TSPAN7: variants seen among roughly 807,000 people sequenced by gnomAD.
TSPAN7 encodes the protein tetraspanin 7.
A neutral mutation model predicts 17.6 loss-of-function variants in TSPAN7; 1 was observed. The observed-to-expected ratio is 0.06, with a 90% confidence interval of 0.02 to 0.27. The LOEUF is 0.27. Among genes scored for constraint, TSPAN7 ranks in the 10% least tolerant of loss-of-function variants. The pLI is 1.00. For missense variants in TSPAN7, 112 were observed against 201.7 expected (o/e 0.56, Z 2.69); for synonymous variants, 78 against 79.0 (o/e 0.99, Z 0.07).
At chrX:38,567,937 C>G (rs1055191346) in intron 1 of TSPAN7, among the ~76,000 whole-genome samples, 1 of 111,508 alleles carries the variant, frequency 9.0e-6, no homozygotes, top group Non-Finnish European at 1.9e-5. Context: ...CACAGCTGAG[C>G]CATGTAGTGT....
rs774726460 is a variant in TSPAN7 at position 38,660,070 on chromosome X, G to A, written c.82-6051G>A. Reference sequence around the variant, plus strand: ...TCGAACTCCTGGCCTCAAGTGATCCGCCCACCTCTGCCTCTGCCTTCCAAA... The same window carrying A: ...TCGAACTCCTGGCCTCAAGTGATCCACCCACCTCTGCCTCTGCCTTCCAAA... On this transcript the variant is annotated intron_variant, in intron 1 of 7. Transcript: ENST00000378482. 6.5e-4 allele frequency among the ~76,000 whole-genome samples: 71 copies of A among 109,411 alleles called. 1 individual carries two copies. Among genetic ancestry groups the A allele is most frequent in the Non-Finnish European group, 1.1e-3 (57 of 52,538 alleles).
chrX:38,687,973 A>G lies in TSPAN7; in HGVS notation c.*42A>G, dbSNP rs1464299089. On this transcript the variant is annotated 3_prime_UTR_variant, in exon 8 of 8. Transcript: ENST00000378482. ...AATGACGGAATAAGAGACCTGTTTTAAAAAGGAACTGCAGCAATCTTTGAA... is the reference window on the plus strand; with the variant it reads ...AATGACGGAATAAGAGACCTGTTTTGAAAAGGAACTGCAGCAATCTTTGAA... 4.5e-6 allele frequency: 1 copy of G among 221,827 alleles called. No individual in the cohort carries two copies. The highest frequency in any genetic ancestry group is 2.9e-5 in the African/African-American group (1 of 34,869). The allele number at this position is 221,827 out of a possible 1,213,427, so 18.3% of individuals were successfully genotyped here. A position where few individuals can be genotyped will look rare whatever the true frequency, so the allele number is the denominator to read the frequency against.
At chrX:38,659,114 C>G (rs2147445774) in intron 1 of TSPAN7, among the ~76,000 whole-genome samples, 1 of 111,036 alleles carries the variant, frequency 9.0e-6, no homozygotes, top group Non-Finnish European at 1.9e-5. Flanking sequence ...AAAATACTTG[C>G]CTAGAGAGAG....
At chrX:38,610,482 C>T (rs1480058312) in intron 1 of TSPAN7, among the ~76,000 whole-genome samples, 1 of 111,680 alleles carries the variant, frequency 9.0e-6, no homozygotes, top group African/African-American at 3.3e-5. Context: ...TATTTCTTAC[C>T]TTTGACTGCG....
chrX:38,593,984 T>A (rs998789762), intron 1 of TSPAN7, among the ~76,000 whole-genome samples: 1 of 112,188 alleles, frequency 8.9e-6, no homozygotes, highest in Non-Finnish European at 1.9e-5. Context: ...CTGATTCTAA[T>A]CTAATACCAC....
chrX:38,646,146 T>TAAAAA, intron 1 of TSPAN7: 2 of 571,319 alleles, frequency 3.5e-6, no homozygotes, highest in African/African-American at 4.8e-5. Context: ...GTACTTTCTA[T>TAAAAA]AAAAAAAAAA....
intron 1 of TSPAN7, among the ~76,000 whole-genome samples, chrX:38,607,989 C>G (rs1428986955): frequency 3.6e-5 from 4 of 110,838 alleles, no homozygotes; most frequent in Non-Finnish European, 7.6e-5. Context: ...TCCCTTGAAT[C>G]TTTCCTGATT....
rs760342956 is a variant in TSPAN7, at chrX:38,656,163, G to A, written c.82-9958G>A. On this transcript the variant is annotated intron_variant, in intron 1 of 7. Transcript: ENST00000378482. Reference sequence around the variant, plus strand: ...GTTGTCTTGGAAAATCAGGTACGAGGTATGGCTGAGGCTTTGGTGGATATA... The same window carrying A: ...GTTGTCTTGGAAAATCAGGTACGAGATATGGCTGAGGCTTTGGTGGATATA... 13 of 230,044 alleles carry A rather than the reference G, an allele frequency of 5.7e-5. No individual in the cohort carries two copies. In the South Asian group the frequency reaches 6.7e-4, roughly 12 times the overall value. The allele number at this position is 230,044 out of a possible 1,213,427, so 19.0% of individuals were successfully genotyped here.
chrX:38,641,561 TTCC>T (rs1249011340), intron 1 of TSPAN7, among the ~76,000 whole-genome samples: 2 of 111,640 alleles, frequency 1.8e-5, no homozygotes, highest in Non-Finnish European at 3.8e-5. Flanking sequence ...ATGTGCCTCT[TTCC>T]TCCTCCTTCC....
chrX:38,613,560 A>T (rs148117171), intron 1 of TSPAN7, among the ~76,000 whole-genome samples: 17 of 111,124 alleles, frequency 1.5e-4, no homozygotes, highest in African/African-American at 5.6e-4. Context: ...TAGATCTTTC[A>T]CCTTGGGTTA....
intron 1 of TSPAN7, among the ~76,000 whole-genome samples, chrX:38,569,318 T>C (rs763751007): frequency 9.0e-6 from 1 of 111,119 alleles, no homozygotes; most frequent in Non-Finnish European, 1.9e-5. Flanking sequence ...GGTGAGAATA[T>C]AGAAGTCTCT....
chrX:38,645,685 C>T (rs768761223), intron 1 of TSPAN7, among the ~76,000 whole-genome samples: 2 of 111,995 alleles, frequency 1.8e-5, no homozygotes, highest in African/African-American at 6.5e-5. Flanking sequence ...AAAGCCAGAG[C>T]AAACCTCTGG....
intron 6 of TSPAN7, among the ~76,000 whole-genome samples, chrX:38,686,543 C>T (rs946324672): frequency 8.9e-6 from 1 of 111,775 alleles, no homozygotes; most frequent in African/African-American, 3.3e-5. Context: ...AGATCCCAGG[C>T]GATCGTGATG....
At chrX:38,569,494 G>A (rs1217311896) in intron 1 of TSPAN7, among the ~76,000 whole-genome samples, 3 of 105,798 alleles carry the variant, frequency 2.8e-5, no homozygotes, top group Non-Finnish European at 3.9e-5. Flanking sequence ...AGTTGGTGGC[G>A]GGGGTGGGGG....
intron 1 of TSPAN7, among the ~76,000 whole-genome samples, chrX:38,661,248 C>T (rs907553006): frequency 1.8e-5 from 2 of 112,715 alleles, no homozygotes; most frequent in Non-Finnish European, 3.7e-5. Flanking sequence ...AAGTCTGTTT[C>T]AGAGCATTTT....
intron 1 of TSPAN7, among the ~76,000 whole-genome samples, chrX:38,566,677 G>A (rs1384050020): frequency 9.0e-6 from 1 of 111,577 alleles, no homozygotes; most frequent in Non-Finnish European, 1.9e-5. Context: ...TAGTTTGTCA[G>A]ACATTTTGGT....
chrX:38,662,353 A>G (rs1203048218), intron 1 of TSPAN7, among the ~76,000 whole-genome samples: 1 of 112,014 alleles, frequency 8.9e-6, no homozygotes, highest in Admixed American at 9.5e-5. Context: ...GGTATAGCAA[A>G]TAGATGGCTA....
At chrX:38,636,592 G>A (rs1410902714) in intron 1 of TSPAN7, among the ~76,000 whole-genome samples, 1 of 111,887 alleles carries the variant, frequency 8.9e-6, no homozygotes, top group Non-Finnish European at 1.9e-5. Flanking sequence ...GTCACCTGGT[G>A]GGAGGCAGGC....
intron 1 of TSPAN7, among the ~76,000 whole-genome samples, chrX:38,660,589 CTG>C (rs773933547): frequency 1.3e-4 from 15 of 112,295 alleles, no homozygotes; most frequent in Non-Finnish European, 2.4e-4. Flanking sequence ...ACAGAATCCT[CTG>C]GGGGATATTT....
Sources: gnomAD v4.1 joint callset for allele counts (sites outside exome capture counted in the v4.1 genomes callset) on GRCh38, gnomAD v4.1.1 for gene constraint, MANE v1.5 for transcripts, NCBI Gene and HGNC (gene_info 2026-07-23, HGNC 2026-07-21) for gene names.